HECW1: variants seen among roughly 807,000 people sequenced by gnomAD.
The protein encoded by HECW1 is E3 ubiquitin-protein ligase HECW1.
HECW1 carries 61 observed loss-of-function variants against 182.3 expected under a neutral mutation model. The observed-to-expected ratio is 0.33, with a 90% CI of 0.27 to 0.41. The LOEUF (loss-of-function observed/expected upper bound fraction) is 0.41, where lower values mean the gene tolerates loss of function less well. Ranked by LOEUF, HECW1 falls within the 10% of genes least tolerant of loss-of-function variation. The probability of loss-of-function intolerance (pLI) is 1.00; values close to 1 mark genes in which losing one functional copy is unlikely to be tolerated. For missense variants in HECW1, 1,739 were observed against 2,108.9 expected, an observed-to-expected ratio of 0.82 and a Z score of 3.44; for synonymous variants, 859 against 832.6, an observed-to-expected ratio of 1.03 and a Z score of -0.55.
chr7:43,407,974 A>G (rs2075668294), intron 8 of HECW1, among the ~76,000 whole-genome samples: 1 of 152,160 alleles, frequency 6.6e-6, no homozygotes, highest in South Asian at 2.1e-4. Context: ...TCTGATTCAG[A>G]ACCCATGCCG....
At chr7:43,425,235 A>ACT (rs1480043754) in intron 8 of HECW1, among the ~76,000 whole-genome samples, 1 of 151,898 alleles carries the variant, frequency 6.6e-6, no homozygotes, top group East Asian at 1.9e-4. Context: ...TCACACACAC[A>ACT]CACACACACA....
chr7:43,396,729 C>A, intron 6 of HECW1, 85 bp from the exon 7 acceptor site: 2 of 893,236 alleles, frequency 2.2e-6, no homozygotes, highest in Non-Finnish European at 3.7e-6. Context: ...GGTAAAATCA[C>A]TGTGAATAAC....
chr7:43,480,688 T>C (rs1284889613), intron 17 of HECW1, among the ~76,000 whole-genome samples: 3 of 149,110 alleles, frequency 2.0e-5, no homozygotes, highest in Non-Finnish European at 4.5e-5. Context: ...TATACGCATA[T>C]ATATATATAC....
intron 3 of HECW1, among the ~76,000 whole-genome samples, chr7:43,278,396 C>T (rs2152745905): frequency 6.6e-6 from 1 of 152,222 alleles, no homozygotes; most frequent in East Asian, 1.9e-4. Context: ...ATCCGCAGCT[C>T]CCACCCTGGT....
intron 2 of HECW1, among the ~76,000 whole-genome samples, chr7:43,186,728 T>C (rs1793445289): frequency 6.6e-6 from 1 of 152,060 alleles, no homozygotes; most frequent in Non-Finnish European, 1.5e-5. Flanking sequence ...TTTTGTACAT[T>C]TAGATATGCT....
In HECW1 at chr7:43,509,112, A is replaced by G. The variant is rs1585130478; in HGVS notation, c.4010A>G (p.His1337Arg). 2.5e-6 allele frequency: 4 copies of G among 1,613,810 alleles called. No individual in the cohort carries two copies. The highest frequency in any genetic ancestry group is 1.3e-5 in the African/African-American group (1 of 74,936). ...ISPMSAFVEN[H>R]LEWFRFSGRI... Reference sequence around the variant, plus strand: ...CCCATGTCCGCATTTGTAGAAAACCATCTTGAGTGGTAAGCTCTATAATGT... The same window carrying G: ...CCCATGTCCGCATTTGTAGAAAACCGTCTTGAGTGGTAAGCTCTATAATGT... The change falls in exon 24 of 30, where the codon CAT (histidine) becomes CGT (arginine). Residue 1337 changes from histidine (H) to arginine (R), a missense_variant. Around this residue, in one of 5 missense-constraint regions of HECW1, gnomAD observed 420 missense variants for 595.7 expected, o/e 0.71. Coordinates refer to ENST00000395891, the MANE Select transcript of HECW1 (RefSeq NM_015052.5).
intron 5 of HECW1, among the ~76,000 whole-genome samples, chr7:43,337,380 T>G (rs1812432270): frequency 6.6e-6 from 1 of 152,222 alleles, no homozygotes; most frequent in Non-Finnish European, 1.5e-5. Flanking sequence ...AATGTGGTTG[T>G]TTTTTTCTTG....
At chr7:43,546,780 G>A (rs1215785684) in intron 26 of HECW1, among the ~76,000 whole-genome samples, 2 of 152,076 alleles carry the variant, frequency 1.3e-5, no homozygotes, top group Non-Finnish European at 2.9e-5. Context: ...AAGGCTCGGG[G>A]GTTAAAGCTT....
At chr7:43,398,158 G>A (rs2075291693) in intron 7 of HECW1, among the ~76,000 whole-genome samples, 1 of 152,170 alleles carries the variant, frequency 6.6e-6, no homozygotes, top group African/African-American at 2.4e-5. Flanking sequence ...TTGGGAGGCT[G>A]AGGCAGGAGA....
chr7:43,321,246 A>T (rs1374677476), intron 5 of HECW1, among the ~76,000 whole-genome samples: 1 of 152,298 alleles, frequency 6.6e-6, no homozygotes, highest in Admixed American at 6.5e-5. Context: ...AGACATTGGT[A>T]CTACCAGCCT....
At chr7:43,203,019 G>T (rs138191153) in intron 2 of HECW1, among the ~76,000 whole-genome samples, 2 of 151,684 alleles carry the variant, frequency 1.3e-5, no homozygotes, top group African/African-American at 4.8e-5. Context: ...GACTCAGCCC[G>T]CCTGCCCCCA....
chr7:43,330,267 G>A (rs971927223), intron 5 of HECW1, among the ~76,000 whole-genome samples: 2 of 152,212 alleles, frequency 1.3e-5, no homozygotes, highest in African/African-American at 4.8e-5. Context: ...GAGACAGCTG[G>A]GCTGGGAGAA....
chr7:43,192,505 CTAAA>C (rs141913422), intron 2 of HECW1, among the ~76,000 whole-genome samples: 15,671 of 151,706 alleles, frequency 0.1, 871 homozygotes, highest in East Asian at 0.15. Context: ...ATAAAAATGA[CTAAA>C]TACGTAAAGA....
At position 43,492,195 on chromosome 7, in the gene HECW1, T is replaced by A; in HGVS notation, c.3340+15T>A. On this transcript the variant is annotated intron_variant, in intron 18 of 29. Transcript: ENST00000395891. Reference sequence around the variant, plus strand: ...ATTGCCACTGGGTATGTATCATGCTTGTTTGAGCCCCTGGCTCAAAGAATA... The same window carrying A: ...ATTGCCACTGGGTATGTATCATGCTAGTTTGAGCCCCTGGCTCAAAGAATA... 1.3e-6 allele frequency: 2 copies of A among 1,551,470 alleles called. No individual in the cohort carries two copies. The highest frequency in any genetic ancestry group is 1.7e-6 in the Non-Finnish European group (2 of 1,143,232).
rs377314237 is a variant in HECW1 at position 43,244,210 on chromosome 7, T to C, written c.27+278T>C. The stretch of plus-strand genomic sequence containing the variant: ...CAGTTGTTACAAGTGAATTTGTACC[T>C]GGAAACATTCTATGATGCTACTTCC... On this transcript the variant is annotated intron_variant, in intron 3 of 29. Transcript: ENST00000395891. Among the ~76,000 whole-genome samples, 93 of 152,368 alleles carry C rather than the reference T, an allele frequency of 6.1e-4. 1 individual carries two copies. Among genetic ancestry groups the C allele is most frequent in the African/African-American group, 2.1e-3 (88 of 41,578 alleles).
At chr7:43,531,169 C>G (rs2080968880) in intron 24 of HECW1, among the ~76,000 whole-genome samples, 1 of 152,214 alleles carries the variant, frequency 6.6e-6, no homozygotes, top group African/African-American at 2.4e-5. Flanking sequence ...AAGCCTTTCC[C>G]TGTCCTCTTA....
intron 6 of HECW1, among the ~76,000 whole-genome samples, chr7:43,393,794 T>C (rs2075129246): frequency 6.6e-6 from 1 of 152,098 alleles, no homozygotes; most frequent in African/African-American, 2.4e-5. Context: ...AAAATATGTA[T>C]GCTTTAAAAA....
chr7:43,165,652 A>G (rs1238824168), intron 2 of HECW1, among the ~76,000 whole-genome samples: 2 of 152,188 alleles, frequency 1.3e-5, no homozygotes, highest in African/African-American at 2.4e-5. Flanking sequence ...TTATCCATAC[A>G]TAGGCGTTGT....
At chr7:43,272,778 T>A (rs1802570382) in intron 3 of HECW1, among the ~76,000 whole-genome samples, 1 of 152,126 alleles carries the variant, frequency 6.6e-6, no homozygotes, top group South Asian at 2.1e-4. Context: ...CAAAAGAACT[T>A]AAAACAGAGC....
Sources: allele counts gnomAD v4.1 joint callset (sites outside exome capture counted in the v4.1 genomes callset), GRCh38; gene constraint gnomAD v4.1.1; regional missense constraint gnomAD v4.1.1; transcripts MANE v1.5; gene names NCBI Gene and HGNC (gene_info 2026-07-23, HGNC 2026-07-21).